The following MCTP1 variants were observed in gnomAD, a reference collection of about 807,000 sequenced individuals.
MCTP1 encodes multiple C2 and transmembrane domain containing 1.
A neutral mutation model predicts 120.6 loss-of-function variants in MCTP1; 69 were observed. That is an observed-to-expected ratio of 0.57 (90% CI 0.47 to 0.70). MCTP1 has a LOEUF of 0.70. Among genes scored for constraint, MCTP1 ranks in the 30% least tolerant of loss-of-function variants. The probability of loss-of-function intolerance (pLI) is 0.00; values close to 1 mark genes in which losing one functional copy is unlikely to be tolerated. For synonymous variants in MCTP1, 529 were observed against 493.1 expected (o/e 1.07, Z -0.96); for missense variants, 1,203 against 1,248.8 (o/e 0.96, Z 0.55).
At chr5:94,890,153 C>CA (rs1316390621) in intron 11 of MCTP1, among the ~76,000 whole-genome samples, 2 of 152,086 alleles carry the variant, frequency 1.3e-5, no homozygotes, top group African/African-American at 2.4e-5. Context: ...CATGTGCAAC[C>CA]ATACTTGGTT....
chr5:94,836,968 CA>C (rs1243588162), intron 17 of MCTP1, among the ~76,000 whole-genome samples: 1 of 152,098 alleles, frequency 6.6e-6, no homozygotes, highest in African/African-American at 2.4e-5. Context: ...TCCCTAAAAG[CA>C]AATCTTGTTG....
At chr5:94,708,724 CTCTTCCTCTTTTTCTCCTTCATT>C in intron 21 of MCTP1, 115 bp from the exon 22 acceptor site, 2 of 601,240 alleles carry the variant, frequency 3.3e-6, no homozygotes, top group Non-Finnish European at 6.0e-6. Context: ...TTTTTTCCCC[CTCTTCCTCTTTTTCTCCTTCATT>C]TCTTCCTCCT....
At chr5:95,215,159 A>G (rs1275406672) in intron 1 of MCTP1, among the ~76,000 whole-genome samples, 2 of 152,092 alleles carry the variant, frequency 1.3e-5, no homozygotes, top group East Asian at 3.9e-4. Flanking sequence ...TTTTGCTTGG[A>G]ATTCCTACCT....
chr5:95,036,193 C>T (rs1187659666), intron 1 of MCTP1, among the ~76,000 whole-genome samples: 1 of 152,138 alleles, frequency 6.6e-6, no homozygotes, highest in African/African-American at 2.4e-5. Context: ...TGTTACCTTC[C>T]TTGCCATAAA....
chr5:95,210,624 A>C (rs1328566411), intron 1 of MCTP1, among the ~76,000 whole-genome samples: 21 of 150,662 alleles, frequency 1.4e-4, no homozygotes, highest in African/African-American at 1.5e-4. Flanking sequence ...TTGACTCTTT[A>C]TCCAATTTGC....
At chr5:94,943,445 A>G (rs1818208604) in intron 3 of MCTP1, among the ~76,000 whole-genome samples, 1 of 152,124 alleles carries the variant, frequency 6.6e-6, no homozygotes, top group African/African-American at 2.4e-5. Context: ...GGGATAGTTC[A>G]GAGCTAGATC....
chr5:95,176,789 A>G (rs1214592962), intron 1 of MCTP1, among the ~76,000 whole-genome samples: 1 of 152,094 alleles, frequency 6.6e-6, no homozygotes, highest in Non-Finnish European at 1.5e-5. Context: ...AGCCTGGGAG[A>G]TCGAGGCTGC....
intron 1 of MCTP1, among the ~76,000 whole-genome samples, chr5:95,165,591 A>G (rs1746233927): frequency 1.3e-5 from 2 of 152,230 alleles, no homozygotes; most frequent in African/African-American, 4.8e-5. Context: ...AGGACTCCTC[A>G]GAGGATATAG....
intron 1 of MCTP1, among the ~76,000 whole-genome samples, chr5:95,033,464 TAAG>T (rs1316849676): frequency 2.0e-5 from 3 of 151,820 alleles, no homozygotes; most frequent in Non-Finnish European, 2.9e-5. Flanking sequence ...ATAAACAGAA[TAAG>T]AACAAAAACC....
intron 2 of MCTP1, among the ~76,000 whole-genome samples, chr5:95,010,579 T>G (rs1581824194): frequency 1.3e-5 from 2 of 152,314 alleles, no homozygotes; most frequent in African/African-American, 4.8e-5. Context: ...ATATCTCTTC[T>G]TATTTTTATC....
intron 2 of MCTP1, among the ~76,000 whole-genome samples, chr5:94,993,797 G>A (rs1281009099): frequency 6.6e-6 from 1 of 152,110 alleles, no homozygotes; most frequent in Non-Finnish European, 1.5e-5. Context: ...AGAAATGTAG[G>A]CATTAAAAAC....
chr5:94,909,171 T>C, intron 10 of MCTP1, 80 bp downstream of exon 10: 1 of 1,478,390 alleles, frequency 6.8e-7, no homozygotes, highest in East Asian at 2.3e-5. Flanking sequence ...AAAGATCATT[T>C]ACAATAACCA....
At chr5:95,228,237 T>C (rs1347658309) in intron 1 of MCTP1, among the ~76,000 whole-genome samples, 2 of 152,072 alleles carry the variant, frequency 1.3e-5, no homozygotes, top group South Asian at 2.1e-4. Context: ...CAAAAAACAA[T>C]GAATATTTAG....
intron 1 of MCTP1, among the ~76,000 whole-genome samples, chr5:95,227,423 C>T (rs908564765): frequency 6.6e-6 from 1 of 152,136 alleles, no homozygotes; most frequent in Non-Finnish European, 1.5e-5. Context: ...AATCATCACC[C>T]ATTTCACGAT....
intron 2 of MCTP1, among the ~76,000 whole-genome samples, chr5:94,957,904 T>C (rs1354115492): frequency 6.6e-6 from 1 of 152,198 alleles, no homozygotes; most frequent in African/African-American, 2.4e-5. Context: ...TGAACTCAGC[T>C]CTGGACTAAG....
chr5:95,142,249 G>A (rs1759993948), intron 1 of MCTP1, among the ~76,000 whole-genome samples: 1 of 152,120 alleles, frequency 6.6e-6, no homozygotes, highest in Non-Finnish European at 1.5e-5. Flanking sequence ...AAAACACCAT[G>A]TAATTCTCCA....
chr5:95,006,412 C>T (rs1834777224), intron 2 of MCTP1, among the ~76,000 whole-genome samples: 1 of 151,660 alleles, frequency 6.6e-6, no homozygotes, highest in South Asian at 2.1e-4. Flanking sequence ...TATGAAATAA[C>T]TATCATTAAA....
intron 10 of MCTP1, among the ~76,000 whole-genome samples, chr5:94,905,954 G>A (rs1435362330): frequency 6.6e-6 from 1 of 152,074 alleles, no homozygotes. Context: ...ACAAGAAAGA[G>A]CATGCAGTGA....
chr5:94,776,842 G>A (rs530820862), intron 19 of MCTP1, among the ~76,000 whole-genome samples: 4 of 152,256 alleles, frequency 2.6e-5, no homozygotes, highest in East Asian at 1.9e-4. Context: ...TAGCCAAGAC[G>A]TAACATTTAC....
Sources: gnomAD v4.1 joint callset for allele counts (sites outside exome capture counted in the v4.1 genomes callset) on GRCh38, gnomAD v4.1.1 for gene constraint, MANE v1.5 for transcripts, NCBI Gene and HGNC (gene_info 2026-07-23, HGNC 2026-07-21) for gene names.